Variants in ZRANB1 observed in about 807,000 individuals in gnomAD.
ZRANB1 encodes the protein ubiquitin thioesterase ZRANB1.
In ZRANB1, 16 loss-of-function variants were observed where a neutral mutation model predicts 80.5. The ratio of observed to expected loss-of-function variants is 0.20; its 90% CI spans 0.13 to 0.30. ZRANB1 has a LOEUF of 0.30. Ranked by LOEUF, ZRANB1 falls within the 10% of genes least tolerant of loss-of-function variation. ZRANB1 has a pLI of 1.00. For synonymous variants in ZRANB1, 291 were observed against 293.1 expected (o/e 0.99, Z 0.07); for missense variants, 576 against 862.6 (o/e 0.67, Z 4.16).
At chr10:124,952,460 C>T (rs1951648006) in intron 1 of ZRANB1, among the ~76,000 whole-genome samples, 1 of 152,200 alleles carries the variant, frequency 6.6e-6, no homozygotes, top group Non-Finnish European at 1.5e-5. Flanking sequence ...TTCCCAACAC[C>T]TTGATTTTAG....
upstream of ZRANB1, among the ~76,000 whole-genome samples, chr10:124,938,554 T>C (rs1951507624): frequency 6.6e-6 from 1 of 152,078 alleles, no homozygotes; most frequent in South Asian, 2.1e-4. Flanking sequence ...CTCGAACTCT[T>C]GGATTCAAGC....
Position 124,983,954 on chromosome 10 carries a change from T to C in ZRANB1, c.1908+266T>C, listed in dbSNP as rs1213912880. Among the ~76,000 whole-genome samples the C allele has an allele frequency of 6.6e-6, 1 of 151,988 alleles. No homozygotes were observed. Among genetic ancestry groups the C allele is most frequent in the Non-Finnish European group, 1.5e-5 (1 of 68,012 alleles). On this transcript the variant is annotated intron_variant, in intron 8 of 8. Coordinates refer to ENST00000359653, the MANE Select transcript of ZRANB1 (RefSeq NM_017580.3). This position sits in a 1 kb window ranked among gnomAD's most constrained non-coding sequence, Gnocchi z 6.2. Reference sequence around the variant, plus strand: ...GATTTAAATATGGCATTTTAGGGAATGAGAAGTGAGTTTTTATCTGAAAGC... The same window carrying C: ...GATTTAAATATGGCATTTTAGGGAACGAGAAGTGAGTTTTTATCTGAAAGC...
the ZRANB1 span, among the ~76,000 whole-genome samples, chr10:124,936,687 G>A: frequency 2.0e-5 from 3 of 152,158 alleles, no homozygotes; most frequent in Non-Finnish European, 2.9e-5. Flanking sequence ...GAGTATGTGC[G>A]ATACTTTGGC....
At chr10:124,952,479 G>C (rs1417724828) in intron 1 of ZRANB1, among the ~76,000 whole-genome samples, 1 of 152,202 alleles carries the variant, frequency 6.6e-6, no homozygotes, top group Non-Finnish European at 1.5e-5. Flanking sequence ...AGCTCAGTGA[G>C]AGCCTTGCTG....
Position 124,966,575 on chromosome 10 carries a change from A to G in ZRANB1, c.815-19A>G, listed in dbSNP as rs536444088. 9 of 1,606,248 alleles carry G rather than the reference A, an allele frequency of 5.6e-6. No individual in the cohort carries two copies. The highest frequency in any genetic ancestry group is 1.7e-5 in the Admixed American group (1 of 59,456). On this transcript the variant is annotated intron_variant, in intron 1 of 8. Coordinates refer to ENST00000359653, the MANE Select transcript of ZRANB1 (RefSeq NM_017580.3). ...GAAAATGAGAATTAAATGCTTTTCT[A>G]TCTTGATGCTTGTTTTAGGGGTTGT... is the stretch of plus-strand genomic sequence containing the variant.
the ZRANB1 span, among the ~76,000 whole-genome samples, chr10:124,923,721 A>T: frequency 6.6e-6 from 1 of 151,892 alleles, no homozygotes; most frequent in Non-Finnish European, 1.5e-5. Context: ...CAGGAGAGAG[A>T]GAGTGAGCAG....
rs569870521 is a variant in ZRANB1, at chr10:124,964,877, C to G, written c.815-1717C>G. Among the ~76,000 whole-genome samples the G allele has an allele frequency of 3.3e-5, 5 of 152,192 alleles. No homozygotes were observed. In the South Asian group the frequency reaches 1.0e-3, roughly 32 times the overall value. ...GGAGATGGTGTGGGCATGGTCAGTC[C>G]TAAATAAAATAAAACTGCATTGAAT... On this transcript the variant is annotated intron_variant, in intron 1 of 8. Transcript: ENST00000359653.
intron 2 of ZRANB1, among the ~76,000 whole-genome samples, chr10:124,967,654 GCAGAAGGGTAGCCATAGAAGGGTACC>G (rs1375571948): frequency 6.6e-6 from 1 of 152,132 alleles, no homozygotes; most frequent in Non-Finnish European, 1.5e-5. Context: ...TGCCAGAAGG[GCAGAAGGGTAGCCATAGAAGGGTACC>G]CAGAAGGGTA....
intron 1 of ZRANB1, 38 bp from the exon 2 acceptor site, chr10:124,966,556 G>A: frequency 6.3e-7 from 1 of 1,585,116 alleles, no homozygotes; most frequent in Non-Finnish European, 8.6e-7. Context: ...TGAAGAAAAT[G>A]AGAATTAAAT....
chr10:124,930,614 T>G, the ZRANB1 span, among the ~76,000 whole-genome samples: 2 of 152,204 alleles, frequency 1.3e-5, no homozygotes, highest in African/African-American at 4.8e-5. Context: ...TATCAAGAGA[T>G]GAAAGTGGTT....
At chr10:124,935,989 C>T in the ZRANB1 span, among the ~76,000 whole-genome samples, 2 of 152,132 alleles carry the variant, frequency 1.3e-5, no homozygotes, top group Non-Finnish European at 2.9e-5. Context: ...TTGGAGTGTA[C>T]TTGGAGTGAG....
At chr10:124,976,565 CTTTTTTTTTTTTTT>C (rs138858881) in intron 5 of ZRANB1, among the ~76,000 whole-genome samples, 2 of 75,710 alleles carry the variant, frequency 2.6e-5, no homozygotes, top group African/African-American at 5.3e-5. Flanking sequence ...TGGTAATTTC[CTTTTTTTTTTTTTT>C]TTTTTTTTTT....
At chr10:124,931,475 A>G in the ZRANB1 span, among the ~76,000 whole-genome samples, 174 of 152,102 alleles carry the variant, frequency 1.1e-3, no homozygotes, top group South Asian at 0.017. Context: ...GGTTCAAGTG[A>G]TTCTCCTGCC....
intron 1 of ZRANB1, among the ~76,000 whole-genome samples, chr10:124,959,837 G>T (rs1398989964): frequency 6.6e-6 from 1 of 151,766 alleles, no homozygotes; most frequent in Admixed American, 6.6e-5. Context: ...TAGTGTAGAG[G>T]GAGCAACACT....
intron 1 of ZRANB1, among the ~76,000 whole-genome samples, chr10:124,952,930 T>C (rs574715871): frequency 6.7e-6 from 1 of 149,692 alleles, no homozygotes; most frequent in South Asian, 2.1e-4. Context: ...AGTATTTTTT[T>C]AAATTTTATT....
Position 124,987,116 on chromosome 10 carries a change from A to G in ZRANB1, c.*2124A>G, listed in dbSNP as rs932940142. The G allele has an allele frequency of 1.3e-5, 2 of 152,638 alleles. No individual in the cohort carries two copies. The highest frequency in any genetic ancestry group is 3.8e-4 in the East Asian group (2 of 5,202). 9.5% of individuals were successfully genotyped at this position (152,638 alleles called of 1,614,324 possible). On this transcript the variant is annotated 3_prime_UTR_variant, in exon 9 of 9. Coordinates refer to ENST00000359653, the MANE Select transcript of ZRANB1 (RefSeq NM_017580.3). The stretch of plus-strand genomic sequence containing the variant: ...AAATGGTTTTCATAGACTGGCTGTT[A>G]AAGGCCAAAAATTTTGGTAAATCAA...
the ZRANB1 span, among the ~76,000 whole-genome samples, chr10:124,922,151 C>T: frequency 2.0e-5 from 3 of 150,884 alleles, no homozygotes; most frequent in Admixed American, 6.6e-5. Context: ...CTATATTGCC[C>T]CCAGGCTGGT....
the ZRANB1 span, chr10:124,917,188 G>A: frequency 6.1e-6 from 1 of 163,512 alleles, no homozygotes; most frequent in Non-Finnish European, 1.2e-5. Flanking sequence ...CGCTGCCGCC[G>A]CCGCCGCCGC....
the ZRANB1 span, among the ~76,000 whole-genome samples, chr10:124,917,533 G>T: frequency 6.6e-6 from 1 of 152,016 alleles, no homozygotes; most frequent in Non-Finnish European, 1.5e-5. Context: ...GCCCGTGGCT[G>T]GACGCGGTGC....
Sources: gnomAD v4.1 joint callset for allele counts (sites outside exome capture counted in the v4.1 genomes callset) on GRCh38, gnomAD v4.1.1 for gene constraint, Gnocchi (gnomAD v3.1) non-coding constraint, MANE v1.5 for transcripts, NCBI Gene and HGNC (gene_info 2026-07-23, HGNC 2026-07-21) for gene names.